Variants in DDX10 observed in about 807,000 individuals in gnomAD.
DDX10 encodes the protein DEAD-box helicase 10, also known as probable ATP-dependent RNA helicase DDX10.
Under a neutral mutation model 104.3 loss-of-function variants are expected in DDX10, and 74 were observed. That is an observed-to-expected ratio of 0.71 (90% CI 0.59 to 0.86). The LOEUF is 0.86. DDX10 is among the 40% of genes least tolerant of loss of function. The pLI is 0.00. For synonymous variants in DDX10, 351 were observed against 353.4 expected (o/e 0.99, Z 0.08); for missense variants, 952 against 1,040.0 (o/e 0.92, Z 1.16).
At chr11:108,889,775 A>C (rs1160068621) in intron 16 of DDX10, among the ~76,000 whole-genome samples, 1 of 152,216 alleles carries the variant, frequency 6.6e-6, no homozygotes, top group Non-Finnish European at 1.5e-5. Context: ...CAGAGCCAAG[A>C]ATGAAAAACA....
At position 108,797,158 on chromosome 11, in the gene DDX10, T is replaced by C. The variant is rs371045626; in HGVS notation, c.1966-41288T>C. On this transcript the variant is annotated intron_variant, in intron 13 of 17. Coordinates refer to ENST00000322536, the MANE Select transcript of DDX10 (RefSeq NM_004398.4). ...AAGCAATTCTCCTGCCTCAGCCTCC[T>C]GAGTAGCTGAGACTACAGGTGCATG... Among the ~76,000 whole-genome samples, 207 of 152,238 alleles carry C rather than the reference T, an allele frequency of 1.4e-3. 4 individuals carry two copies. Among genetic ancestry groups the C allele is most frequent in the Middle Eastern group, 0.01 (3 of 294 alleles).
intron 16 of DDX10, among the ~76,000 whole-genome samples, chr11:108,861,992 A>C (rs1380674739): frequency 6.6e-6 from 1 of 151,892 alleles, no homozygotes; most frequent in East Asian, 1.9e-4. Flanking sequence ...GCACCACCGC[A>C]CTCCAGCCAA....
At chr11:108,875,136 C>CT (rs1863135580) in intron 16 of DDX10, among the ~76,000 whole-genome samples, 1 of 152,032 alleles carries the variant, frequency 6.6e-6, no homozygotes, top group Non-Finnish European at 1.5e-5. Context: ...ACCATAGAAC[C>CT]ATAAAGTTTC....
intron 13 of DDX10, among the ~76,000 whole-genome samples, chr11:108,811,447 C>G (rs1591824567): frequency 6.6e-6 from 1 of 152,192 alleles, no homozygotes; most frequent in South Asian, 2.1e-4. Flanking sequence ...GATACCTCCT[C>G]TCTGAACTTT....
At chr11:108,796,987 G>A (rs1861950334) in intron 13 of DDX10, among the ~76,000 whole-genome samples, 1 of 152,054 alleles carries the variant, frequency 6.6e-6, no homozygotes, top group Non-Finnish European at 1.5e-5. Context: ...CTGGAAGTGT[G>A]AGGAAATAAA....
At chr11:108,914,862 G>A (rs1357614499) in intron 16 of DDX10, among the ~76,000 whole-genome samples, 8 of 146,984 alleles carry the variant, frequency 5.4e-5, no homozygotes, top group African/African-American at 2.0e-4. Context: ...GGAAATCCTA[G>A]AGCTGAAAAG....
intron 15 of DDX10, among the ~76,000 whole-genome samples, chr11:108,850,804 C>T (rs745494618): frequency 1.3e-5 from 2 of 152,190 alleles, no homozygotes; most frequent in African/African-American, 4.8e-5. Context: ...GTGAGGACTT[C>T]GGCTCCCCAG....
intron 13 of DDX10, among the ~76,000 whole-genome samples, chr11:108,835,182 A>G (rs1382182465): frequency 1.3e-5 from 2 of 152,038 alleles, no homozygotes; most frequent in Non-Finnish European, 2.9e-5. Context: ...TTTCCATTTT[A>G]GATGTTTTAC....
In DDX10 at chr11:108,719,866, C is replaced by A; in HGVS notation, c.1480C>A (p.Pro494Thr). 6.3e-7 allele frequency: 1 copy of A among 1,588,080 alleles called. No individual in the cohort carries two copies. The highest frequency in any genetic ancestry group is 8.6e-7 in the Non-Finnish European group (1 of 1,156,410). The change falls in exon 12 of 18, where the codon CCT becomes ACT. Residue 494 changes from proline to threonine, a missense_variant. Physicochemically the swap from Pro to Thr is conservative, Grantham distance 38. Coordinates refer to ENST00000322536, the MANE Select transcript of DDX10 (RefSeq NM_004398.4). ...DKEVFDVSKL[P>T]IPEYALSLGL... The stretch of plus-strand genomic sequence containing the variant: ...AGAAGTATTTGATGTGAGCAAGTTA[C>A]CTATACCTGAATATGCCCTGTAAGT...
chr11:108,873,803 T>C (rs926125610), intron 16 of DDX10, among the ~76,000 whole-genome samples: 1 of 152,200 alleles, frequency 6.6e-6, no homozygotes, highest in African/African-American at 2.4e-5. Context: ...AAGCTACTTA[T>C]GAGAAAGTTT....
At chr11:108,856,776 G>T (rs1862875696) in intron 16 of DDX10, among the ~76,000 whole-genome samples, 1 of 151,946 alleles carries the variant, frequency 6.6e-6, no homozygotes, top group African/African-American at 2.4e-5. Flanking sequence ...TGAAATTGAA[G>T]AGCGAGTGTG....
intron 6 of DDX10, among the ~76,000 whole-genome samples, chr11:108,687,843 G>C (rs758001575): frequency 2.0e-5 from 3 of 152,098 alleles, no homozygotes; most frequent in Non-Finnish European, 4.4e-5. Context: ...TCTAAAACCA[G>C]TTGACTTGTA....
chr11:108,880,236 G>A lies in DDX10; in HGVS notation c.2304+28027G>A, dbSNP rs568133886. 5.9e-5 allele frequency among the ~76,000 whole-genome samples: 9 copies of A among 152,292 alleles called. No homozygotes were observed. In the East Asian group the frequency reaches 1.7e-3, roughly 29 times the overall value. ...GCCTTTCCTTTGTGCTTGTGCAGTG[G>A]GGGGTGTAGAATGATACTGATCTGG... is the stretch of plus-strand genomic sequence containing the variant. On this transcript the variant is annotated intron_variant, in intron 16 of 17. Coordinates refer to ENST00000322536, the MANE Select transcript of DDX10 (RefSeq NM_004398.4).
intron 16 of DDX10, among the ~76,000 whole-genome samples, chr11:108,853,046 A>G (rs1003337320): frequency 4.3e-4 from 66 of 152,306 alleles, no homozygotes; most frequent in African/African-American, 1.6e-3. Context: ...CTCATGCTAT[A>G]GTTCTGAAGT....
chr11:108,873,865 G>A lies in DDX10; in HGVS notation c.2304+21656G>A, dbSNP rs78792290. On this transcript the variant is annotated intron_variant, in intron 16 of 17. Transcript: ENST00000322536. ...ACAGACTGTAAATCACCAATCCCAAGTAAATTACTCTATTAATCTTTCATT... is the reference window on the plus strand; with the variant it reads ...ACAGACTGTAAATCACCAATCCCAAATAAATTACTCTATTAATCTTTCATT... Among the ~76,000 whole-genome samples the A allele has an allele frequency of 4.3e-3, 661 of 152,254 alleles. 6 individuals carry two copies. Among genetic ancestry groups the A allele is most frequent in the Middle Eastern group, 0.027 (8 of 294 alleles).
chr11:108,925,485 C>G (rs1304713874), intron 17 of DDX10, among the ~76,000 whole-genome samples: 1 of 152,140 alleles, frequency 6.6e-6, no homozygotes, highest in Non-Finnish European at 1.5e-5. Flanking sequence ...TGGCAGCTGC[C>G]CTAACTCTGG....
At chr11:108,846,071 A>T (rs1258937238) in intron 15 of DDX10, among the ~76,000 whole-genome samples, 3 of 152,214 alleles carry the variant, frequency 2.0e-5, no homozygotes, top group African/African-American at 7.2e-5. Flanking sequence ...TGTCTTAAAG[A>T]TTTAGAAAAC....
intron 15 of DDX10, among the ~76,000 whole-genome samples, chr11:108,847,454 A>G (rs767406189): frequency 2.1e-4 from 32 of 152,208 alleles, no homozygotes; most frequent in Non-Finnish European, 4.1e-4. Flanking sequence ...TGCTTTATCT[A>G]TATCGGATTA....
intron 17 of DDX10, among the ~76,000 whole-genome samples, chr11:108,938,027 A>T (rs150660764): frequency 6.6e-6 from 1 of 152,152 alleles, no homozygotes; most frequent in South Asian, 2.1e-4. Flanking sequence ...GAACCCCCTC[A>T]TTGTCAGTCA....
Sources: allele counts gnomAD v4.1 joint callset (sites outside exome capture counted in the v4.1 genomes callset), GRCh38; gene constraint gnomAD v4.1.1; transcripts MANE v1.5; gene names NCBI Gene and HGNC (gene_info 2026-07-23, HGNC 2026-07-21).